The following ARHGAP42 variants were observed in gnomAD, a reference collection of about 807,000 sequenced individuals.
The protein encoded by ARHGAP42 is rho GTPase-activating protein 42.
ARHGAP42 carries 63 observed loss-of-function variants against 125.0 expected under a neutral mutation model. The observed-to-expected ratio is 0.50, with a 90% CI of 0.41 to 0.62. The LOEUF is 0.62. Among genes scored for constraint, ARHGAP42 ranks in the 20% least tolerant of loss-of-function variants. ARHGAP42 has a pLI of 0.00. For synonymous variants in ARHGAP42, 339 were observed against 351.0 expected (o/e 0.97, Z 0.38); for missense variants, 766 against 1,024.2 (o/e 0.75, Z 3.44).
At chr11:100,889,040 T>C (rs954744547) in intron 4 of ARHGAP42, among the ~76,000 whole-genome samples, 2 of 152,192 alleles carry the variant, frequency 1.3e-5, no homozygotes, top group Non-Finnish European at 2.9e-5. Flanking sequence ...TGTTATATCC[T>C]CTCCTCTACT....
At chr11:100,730,680 CAT>C (rs1165215183) in intron 1 of ARHGAP42, among the ~76,000 whole-genome samples, 1 of 152,140 alleles carries the variant, frequency 6.6e-6, no homozygotes, top group East Asian at 1.9e-4. Context: ...AATAGTAAGT[CAT>C]ATATTGCTTA....
At chr11:100,801,632 T>C (rs1863853773) in intron 3 of ARHGAP42, among the ~76,000 whole-genome samples, 1 of 152,218 alleles carries the variant, frequency 6.6e-6, no homozygotes, top group Admixed American at 6.5e-5. Context: ...TTTGTTTGTT[T>C]TTTTACATTT....
intron 22 of ARHGAP42, among the ~76,000 whole-genome samples, chr11:100,986,962 G>T (rs1858693637): frequency 1.3e-5 from 2 of 152,068 alleles, no homozygotes; most frequent in Admixed American, 1.3e-4. Flanking sequence ...GGTTTGCAAA[G>T]CCTCCACCTG....
Position 100,989,236 on chromosome 11 carries a change from T to C in ARHGAP42, c.*435T>C. The C allele has an allele frequency of 2.5e-6, 1 of 397,774 alleles. No individual in the cohort carries two copies. The highest frequency in any genetic ancestry group is 4.4e-6 in the Non-Finnish European group (1 of 225,646). 24.6% of individuals were successfully genotyped at this position (397,774 alleles called of 1,614,324 possible). A position where few individuals can be genotyped will look rare whatever the true frequency, so the allele number is the denominator to read the frequency against. Reference sequence around the variant, plus strand: ...TAAAAATGTAATTTAAATTGTTCATTTATTGTTTTTTTTTTCTTAGAAATA... The same window carrying C: ...TAAAAATGTAATTTAAATTGTTCATCTATTGTTTTTTTTTTCTTAGAAATA... On this transcript the variant is annotated 3_prime_UTR_variant, in exon 24 of 24. Coordinates refer to ENST00000298815, the MANE Select transcript of ARHGAP42 (RefSeq NM_152432.4).
At chr11:100,774,906 ACTGCTGG>A (rs1209755819) in intron 2 of ARHGAP42, among the ~76,000 whole-genome samples, 3 of 152,092 alleles carry the variant, frequency 2.0e-5, no homozygotes, top group African/African-American at 7.2e-5. Flanking sequence ...CCAGTGACAC[ACTGCTGG>A]CTTGGAAGGA....
At chr11:100,957,334 G>A (rs1231241316) in intron 12 of ARHGAP42, among the ~76,000 whole-genome samples, 11 of 152,026 alleles carry the variant, frequency 7.2e-5, no homozygotes, top group East Asian at 5.8e-4. Flanking sequence ...CATTGAATTC[G>A]TCTTGTTCCA....
At position 100,992,798 on chromosome 11, in the gene ARHGAP42, G is replaced by C. The variant is rs1858875044; in HGVS notation, c.*3997G>C. 13 of 1,370,702 alleles carry C rather than the reference G, an allele frequency of 9.5e-6. No individual in the cohort carries two copies. In the South Asian group the frequency reaches 1.9e-4, roughly 20 times the overall value. 84.9% of individuals were successfully genotyped at this position (1,370,702 alleles called of 1,614,324 possible). A position where few individuals can be genotyped will look rare whatever the true frequency, so the allele number is the denominator to read the frequency against. On this transcript the variant is annotated 3_prime_UTR_variant, in exon 24 of 24. Coordinates refer to ENST00000298815, the MANE Select transcript of ARHGAP42 (RefSeq NM_152432.4). ...ATAAAGAATCTTACATAAGAATGTT[G>C]ACAACATTCACAGTAAGCCATTGGC...
intron 4 of ARHGAP42, among the ~76,000 whole-genome samples, chr11:100,905,036 C>T (rs1302631652): frequency 6.6e-6 from 1 of 152,180 alleles, no homozygotes; most frequent in Non-Finnish European, 1.5e-5. Context: ...AGCCAGGTGT[C>T]AGCATACCCT....
intron 3 of ARHGAP42, 105 bp from the exon 4 acceptor site, chr11:100,859,449 A>G (rs1393957757): frequency 3.1e-6 from 3 of 956,312 alleles, no homozygotes; most frequent in Non-Finnish European, 4.6e-6. Context: ...GATGCAAACA[A>G]AAACAAAAAC....
chr11:100,905,297 A>T (rs1866694021), intron 4 of ARHGAP42, among the ~76,000 whole-genome samples: 1 of 152,250 alleles, frequency 6.6e-6, no homozygotes, highest in African/African-American at 2.4e-5. Context: ...TTCAGGGATC[A>T]GAACTTTGGA....
chr11:100,746,386 TG>T (rs1862305471), intron 1 of ARHGAP42, among the ~76,000 whole-genome samples: 1 of 152,184 alleles, frequency 6.6e-6, no homozygotes, highest in Non-Finnish European at 1.5e-5. Flanking sequence ...TGTAGAATCC[TG>T]GAAAAGAGCT....
intron 22 of ARHGAP42, among the ~76,000 whole-genome samples, chr11:100,981,530 G>A (rs1858544363): frequency 6.6e-6 from 1 of 152,176 alleles, no homozygotes; most frequent in South Asian, 2.1e-4. Flanking sequence ...GCCATATTTT[G>A]GAAAGAGACC....
At chr11:100,926,338 C>T (rs534512161) in intron 6 of ARHGAP42, among the ~76,000 whole-genome samples, 1 of 152,300 alleles carries the variant, frequency 6.6e-6, no homozygotes, top group Admixed American at 6.5e-5. Flanking sequence ...CCTAAAGTGG[C>T]AGATAGGAAC....
At chr11:100,835,823 A>G (rs1226655529) in intron 3 of ARHGAP42, among the ~76,000 whole-genome samples, 3 of 152,004 alleles carry the variant, frequency 2.0e-5, no homozygotes, top group African/African-American at 4.8e-5. Context: ...TCCAGAAATT[A>G]TCTTCTTCCC....
chr11:100,839,688 T>C (rs2135109675), intron 3 of ARHGAP42: 1 of 152,350 alleles, frequency 6.6e-6, no homozygotes, highest in Middle Eastern at 3.4e-3. Context: ...AGGGTTGATT[T>C]GGCTGATCTG....
intron 4 of ARHGAP42, among the ~76,000 whole-genome samples, chr11:100,876,659 T>C (rs1334775785): frequency 6.6e-6 from 1 of 152,236 alleles, no homozygotes; most frequent in East Asian, 1.9e-4. Context: ...TATTGAAATC[T>C]GTGGGTATGT....
intron 3 of ARHGAP42, among the ~76,000 whole-genome samples, chr11:100,798,851 G>A (rs1392048539): frequency 6.6e-6 from 1 of 152,174 alleles, no homozygotes; most frequent in African/African-American, 2.4e-5. Flanking sequence ...GAACTGATAA[G>A]AGAAAGCCAT....
chr11:100,899,545 A>G (rs1194929496), intron 4 of ARHGAP42, among the ~76,000 whole-genome samples: 4 of 152,094 alleles, frequency 2.6e-5, no homozygotes, highest in African/African-American at 9.7e-5. Flanking sequence ...GTGGATATAT[A>G]TTTAGGATAG....
chr11:100,926,039 G>T (rs1015379844), intron 6 of ARHGAP42, among the ~76,000 whole-genome samples: 1 of 152,190 alleles, frequency 6.6e-6, no homozygotes, highest in Non-Finnish European at 1.5e-5. Flanking sequence ...TTGTGGAGGA[G>T]CCCAGGGGTC....
Sources: gnomAD v4.1 joint callset for allele counts (sites outside exome capture counted in the v4.1 genomes callset) on GRCh38, gnomAD v4.1.1 for gene constraint, MANE v1.5 for transcripts, NCBI Gene and HGNC (gene_info 2026-07-23, HGNC 2026-07-21) for gene names.